The following PCBP3 variants were observed in gnomAD, a reference collection of about 807,000 sequenced individuals.
PCBP3 encodes poly(rC)-binding protein 3.
PCBP3 carries 25 observed loss-of-function variants against 52.7 expected under a neutral mutation model. The ratio of observed to expected loss-of-function variants is 0.47; its 90% CI spans 0.35 to 0.66. PCBP3 has a LOEUF of 0.66. Among genes scored for constraint, PCBP3 ranks in the 30% least tolerant of loss-of-function variants. The pLI is 0.01. For synonymous variants in PCBP3, 162 were observed against 183.0 expected (o/e 0.89, Z 0.93); for missense variants, 391 against 490.3 (o/e 0.80, Z 1.91).
rs565342141 is a variant in PCBP3, at chr21:45,926,939, G to A, written c.718-2978G>A. Among the ~76,000 whole-genome samples, 7 of 152,310 alleles carry A rather than the reference G, an allele frequency of 4.6e-5. No individual in the cohort carries two copies. In the East Asian group the frequency reaches 1.4e-3, roughly 29 times the overall value. On this transcript the variant is annotated intron_variant, in intron 13 of 17. Coordinates refer to ENST00000681687, the MANE Select transcript of PCBP3 (RefSeq NM_001384156.1). ...CGGGGAGAAGATCTGTGCAGCAGGA[G>A]TGACAGACAGGATGGCATCTGAAAT...
chr21:45,719,035 C>A (rs144684969), intron 2 of PCBP3, among the ~76,000 whole-genome samples: 113 of 152,218 alleles, frequency 7.4e-4, no homozygotes, highest in African/African-American at 2.6e-3. Context: ...GGCCAAGCAG[C>A]AAATCTAGAG....
intron 5 of PCBP3, among the ~76,000 whole-genome samples, chr21:45,851,638 G>A (rs2094008855): frequency 6.7e-6 from 1 of 149,142 alleles, no homozygotes; most frequent in African/African-American, 2.4e-5. Flanking sequence ...TAGATAGATA[G>A]ATAGGTAAAG....
intron 4 of PCBP3, among the ~76,000 whole-genome samples, chr21:45,771,672 CTGAATACTTTCCCCTAAGA>C (rs1404769845): frequency 3.9e-5 from 6 of 152,194 alleles, no homozygotes; most frequent in African/African-American, 1.2e-4. Flanking sequence ...TGGCGCAAGA[CTGAATACTTTCCCCTAAGA>C]TGAGGAGTAA....
intron 2 of PCBP3, among the ~76,000 whole-genome samples, chr21:45,714,698 T>TA (rs2084092408): frequency 6.6e-6 from 1 of 152,236 alleles, no homozygotes; most frequent in Non-Finnish European, 1.5e-5. Context: ...AAATGTGAAT[T>TA]AAAACAGTGA....
At position 45,904,039 on chromosome 21, in the gene PCBP3, G is replaced by A. The variant is rs73157666; in HGVS notation, c.339+2926G>A. ...TTTAGAGAAACAGATTTTCTCTGACGTCCCTTCCAGTAGACAAAATCTCCT... is the reference window on the plus strand; with the variant it reads ...TTTAGAGAAACAGATTTTCTCTGACATCCCTTCCAGTAGACAAAATCTCCT... On this transcript the variant is annotated intron_variant, in intron 9 of 17. Transcript: ENST00000681687. This position sits in a 1 kb window ranked among gnomAD's most constrained non-coding sequence, Gnocchi z 4.8. 4.9e-3 allele frequency among the ~76,000 whole-genome samples: 743 copies of A among 152,254 alleles called. 5 individuals carry two copies. Among genetic ancestry groups the A allele is most frequent in the Non-Finnish European group, 7.9e-3 (534 of 68,016 alleles).
At chr21:45,688,939 C>T in intron 2 of PCBP3, among the ~76,000 whole-genome samples, 1 of 151,598 alleles carries the variant, frequency 6.6e-6, no homozygotes, top group Non-Finnish European at 1.5e-5. Flanking sequence ...CTTTAAAAAT[C>T]CAAGTCCTTA....
At chr21:45,809,624 C>T (rs2092620392) in intron 4 of PCBP3, among the ~76,000 whole-genome samples, 2 of 152,212 alleles carry the variant, frequency 1.3e-5, no homozygotes, top group Non-Finnish European at 2.9e-5. Context: ...GGAGCTGCCC[C>T]GCTTCCCCCC....
At chr21:45,938,920 C>A (rs563575320) in intron 16 of PCBP3, among the ~76,000 whole-genome samples, 5 of 152,348 alleles carry the variant, frequency 3.3e-5, no homozygotes, top group Admixed American at 3.3e-4. Flanking sequence ...ACCCCACAGA[C>A]TGAGCCCCTT....
In PCBP3 at chr21:45,770,404, T is replaced by C. The variant is rs191739545; in HGVS notation, c.-126+14952T>C. Among the ~76,000 whole-genome samples, 181 of 152,346 alleles carry C rather than the reference T, an allele frequency of 1.2e-3. 1 individual carries two copies. Among genetic ancestry groups the C allele is most frequent in the Non-Finnish European group, 1.4e-3 (94 of 68,026 alleles). On this transcript the variant is annotated intron_variant, in intron 4 of 17. Coordinates refer to ENST00000681687, the MANE Select transcript of PCBP3 (RefSeq NM_001384156.1). Reference sequence around the variant, plus strand: ...TTTCCTTCTTGTCTCTGAAAGCACATAGCAGGCCATTGACTAAAATAACCT... The same window carrying C: ...TTTCCTTCTTGTCTCTGAAAGCACACAGCAGGCCATTGACTAAAATAACCT...
chr21:45,909,763 CCCCCCCCACCCA>C, intron 10 of PCBP3, among the ~76,000 whole-genome samples: 1 of 90,412 alleles, frequency 1.1e-5, no homozygotes, highest in African/African-American at 4.6e-5. Flanking sequence ...CAGATACGGA[CCCCCCCCACCCA>C]CTGCCCAGAT....
chr21:45,890,051 G>A (rs1006851432), intron 5 of PCBP3, among the ~76,000 whole-genome samples: 1 of 152,250 alleles, frequency 6.6e-6, no homozygotes, highest in African/African-American at 2.4e-5. Context: ...CATGCCAGGG[G>A]CTGGGACTGC....
chr21:45,896,260 A>T lies in PCBP3; in HGVS notation c.63A>T (p.Leu21Phe). Residue 21 changes from leucine (L) to phenylalanine (F), a missense_variant, in exon 6 of 18, where the codon TTA becomes TTT. Leu to Phe is a conservative substitution (Grantham distance 22). Coordinates refer to ENST00000681687, the MANE Select transcript of PCBP3 (RefSeq NM_001384156.1). ...TTCCTCACAGCACCCTCAGCACCTTAAGCCACCACCCTCAGCCACAATTTG... is the reference window on the plus strand; with the variant it reads ...TTCCTCACAGCACCCTCAGCACCTTTAGCCACCACCCTCAGCCACAATTTG... Reference protein sequence around the residue: ...SVLPHSTLSTLSHHPQPQFGR... With the variant: ...SVLPHSTLSTFSHHPQPQFGR... The T allele has an allele frequency of 6.4e-7, 1 of 1,552,114 alleles. No individual in the cohort carries two copies. Among genetic ancestry groups the T allele is most frequent in the Non-Finnish European group, 8.7e-7 (1 of 1,147,056 alleles).
At chr21:45,757,950 G>C (rs1459211194) in intron 4 of PCBP3, among the ~76,000 whole-genome samples, 1 of 151,228 alleles carries the variant, frequency 6.6e-6, no homozygotes, top group Non-Finnish European at 1.5e-5. Context: ...ACAGTGGTGC[G>C]ATCTCGGCTC....
In PCBP3 at chr21:45,880,391, A is replaced by G. The variant is rs1432506580; in HGVS notation, c.11-15817A>G. ...CTCTGTGGGCCACAGGGACCCCCACAGCAGACCCCCAGCAAACCCTCAGTG... is the reference window on the plus strand; with the variant it reads ...CTCTGTGGGCCACAGGGACCCCCACGGCAGACCCCCAGCAAACCCTCAGTG... On this transcript the variant is annotated intron_variant, in intron 5 of 17. Coordinates refer to ENST00000681687, the MANE Select transcript of PCBP3 (RefSeq NM_001384156.1). This position sits in a 1 kb window ranked among gnomAD's most constrained non-coding sequence, Gnocchi z 5.4. 2.0e-5 allele frequency among the ~76,000 whole-genome samples: 3 copies of G among 152,192 alleles called. No individual in the cohort carries two copies. Among genetic ancestry groups the G allele is most frequent in the African/African-American group, 4.8e-5 (2 of 41,466 alleles).
intron 5 of PCBP3, among the ~76,000 whole-genome samples, chr21:45,883,674 T>A (rs1228433021): frequency 6.6e-6 from 1 of 152,226 alleles, no homozygotes; most frequent in Non-Finnish European, 1.5e-5. Context: ...TGACGTCTAT[T>A]TTTTCCGATA....
At chr21:45,795,656 A>G (rs1471780426) in intron 4 of PCBP3, among the ~76,000 whole-genome samples, 1 of 152,216 alleles carries the variant, frequency 6.6e-6, no homozygotes, top group Non-Finnish European at 1.5e-5. Context: ...CAATGAATGA[A>G]CTGGCCATAT....
rs561476704 is a variant in PCBP3, at chr21:45,935,977, G to T, written c.909+672G>T. 2.0e-5 allele frequency among the ~76,000 whole-genome samples: 3 copies of T among 152,344 alleles called. No individual in the cohort carries two copies. In the South Asian group the frequency reaches 6.2e-4, roughly 32 times the overall value. On this transcript the variant is annotated intron_variant, in intron 16 of 17. Coordinates refer to ENST00000681687, the MANE Select transcript of PCBP3 (RefSeq NM_001384156.1). ...GGCCACATGTCCTTAAGGGATAGCTGCCAGAGCAGCAAGCAGAGTCCCTGT... is the reference window on the plus strand; with the variant it reads ...GGCCACATGTCCTTAAGGGATAGCTTCCAGAGCAGCAAGCAGAGTCCCTGT...
intron 3 of PCBP3, chr21:45,748,131 T>G (rs1421186430): frequency 6.6e-6 from 1 of 152,656 alleles, no homozygotes; most frequent in Admixed American, 6.5e-5. Context: ...TGTGTGCGCA[T>G]TTAGACAGGT....
At chr21:45,831,668 A>T (rs1036010145) in intron 4 of PCBP3, among the ~76,000 whole-genome samples, 1 of 152,136 alleles carries the variant, frequency 6.6e-6, no homozygotes, top group African/African-American at 2.4e-5. Flanking sequence ...ATCTCACACA[A>T]GAAAGAATTC....
Sources: allele counts gnomAD v4.1 joint callset (sites outside exome capture counted in the v4.1 genomes callset), GRCh38; gene constraint gnomAD v4.1.1; non-coding constraint Gnocchi (gnomAD v3.1); transcripts MANE v1.5; gene names NCBI Gene and HGNC (gene_info 2026-07-23, HGNC 2026-07-21).